The following PTPRK variants were observed in gnomAD, a reference collection of about 807,000 sequenced individuals.
PTPRK encodes protein tyrosine phosphatase receptor type K.
In PTPRK, 75 loss-of-function variants were observed where a neutral mutation model predicts 178.0. The observed-to-expected ratio is 0.42, with a 90% CI of 0.35 to 0.51. The LOEUF (loss-of-function observed/expected upper bound fraction) is 0.51. PTPRK is among the 20% of genes least tolerant of loss of function. PTPRK has a pLI of 0.02. For missense variants in PTPRK, 1,441 were observed against 1,797.8 expected (o/e 0.80, Z 3.59); for synonymous variants, 637 against 620.6 (o/e 1.03, Z -0.39).
chr6:128,506,747 C>T (rs1024769706), intron 1 of PTPRK, among the ~76,000 whole-genome samples: 13 of 149,440 alleles, frequency 8.7e-5, no homozygotes, highest in African/African-American at 3.2e-4. Context: ...TTTTCATAAA[C>T]ACTGGATTAT....
intron 6 of PTPRK, among the ~76,000 whole-genome samples, chr6:128,189,991 C>T (rs1034858856): frequency 6.6e-6 from 1 of 152,112 alleles, no homozygotes; most frequent in African/African-American, 2.4e-5. Context: ...AATTCTTGAG[C>T]ATTTCAAGAA....
intron 2 of PTPRK, among the ~76,000 whole-genome samples, chr6:128,337,837 C>T (rs937573014): frequency 6.6e-6 from 1 of 152,128 alleles, no homozygotes; most frequent in African/African-American, 2.4e-5. Flanking sequence ...AAAGTGATGT[C>T]TGAGCTGTGA....
At chr6:128,429,608 A>G (rs573975289) in intron 1 of PTPRK, among the ~76,000 whole-genome samples, 1 of 152,348 alleles carries the variant, frequency 6.6e-6, no homozygotes, top group East Asian at 1.9e-4. Flanking sequence ...CTTCACCAAC[A>G]TCTAATCTAT....
chr6:128,151,199 G>GT (rs1280702445), intron 7 of PTPRK, among the ~76,000 whole-genome samples: 5 of 151,848 alleles, frequency 3.3e-5, no homozygotes, highest in East Asian at 1.9e-4. Flanking sequence ...GGGAGGAGGA[G>GT]TTTTTTTTAC....
intron 2 of PTPRK, among the ~76,000 whole-genome samples, chr6:128,392,057 T>C (rs1839661747): frequency 7.2e-5 from 11 of 152,002 alleles, no homozygotes; most frequent in Admixed American, 7.2e-4. Context: ...AATTGAAAAA[T>C]GGTCCTGGAA....
intron 1 of PTPRK, among the ~76,000 whole-genome samples, chr6:128,458,683 T>G (rs1405326067): frequency 6.6e-6 from 1 of 152,192 alleles, no homozygotes; most frequent in Non-Finnish European, 1.5e-5. Flanking sequence ...TATATATGAA[T>G]TAAGTCATGA....
rs542211996 is a variant in PTPRK at position 128,453,833 on chromosome 6, A to G, written c.101-56145T>C. ...CTGAAAACTATGATGCATGCAGGGC[A>G]CCAACTTAGTATGCTGAAAACTGAT... On this transcript the variant is annotated intron_variant, in intron 1 of 29. Transcript: ENST00000368226. 3.7e-4 allele frequency among the ~76,000 whole-genome samples: 57 copies of G among 152,280 alleles called. 1 individual carries two copies. The South Asian group carries it at 0.012, about 32-fold the overall frequency.
intron 3 of PTPRK, among the ~76,000 whole-genome samples, chr6:128,295,245 C>T (rs1386021272): frequency 6.6e-6 from 1 of 152,068 alleles, no homozygotes; most frequent in African/African-American, 2.4e-5. Flanking sequence ...CTTCCAACCA[C>T]TTAAAAGTGT....
Position 128,223,545 on chromosome 6 carries a change from T to C in PTPRK, c.694-4449A>G, listed in dbSNP as rs905794032. Among the ~76,000 whole-genome samples, 5 of 152,078 alleles carry C rather than the reference T, an allele frequency of 3.3e-5. No homozygotes were observed. The East Asian group carries it at 7.7e-4, about 23-fold the overall frequency. On this transcript the variant is annotated intron_variant, in intron 5 of 29. Coordinates refer to ENST00000368226, the MANE Select transcript of PTPRK (RefSeq NM_002844.4). Reference sequence around the variant, plus strand: ...ATATAACTATAAATACATATGCTTATATAGGATGTATATTATATAATTAAT... The same window carrying C: ...ATATAACTATAAATACATATGCTTACATAGGATGTATATTATATAATTAAT...
chr6:128,294,518 T>C (rs1451279346), intron 3 of PTPRK, among the ~76,000 whole-genome samples: 2 of 152,092 alleles, frequency 1.3e-5, no homozygotes, highest in African/African-American at 4.8e-5. Context: ...CATTTACAAT[T>C]AGTGAAGTCT....
chr6:128,106,356 T>C (rs1789720337), intron 7 of PTPRK, among the ~76,000 whole-genome samples: 1 of 152,176 alleles, frequency 6.6e-6, no homozygotes, highest in African/African-American at 2.4e-5. Context: ...TGTTTGGCTG[T>C]TTATCCATCT....
At chr6:128,133,628 T>C (rs973383593) in intron 7 of PTPRK, among the ~76,000 whole-genome samples, 1 of 152,220 alleles carries the variant, frequency 6.6e-6, no homozygotes, top group African/African-American at 2.4e-5. Context: ...ATTGGATTTT[T>C]TGTGTGGTAG....
At position 127,970,226 on chromosome 6, in the gene PTPRK, A is replaced by T; in HGVS notation, c.*1T>A. The T allele has an allele frequency of 6.2e-7, 1 of 1,607,270 alleles. No homozygotes were observed. Among genetic ancestry groups the T allele is most frequent in the Non-Finnish European group, 8.5e-7 (1 of 1,175,458 alleles). On this transcript the variant is annotated 3_prime_UTR_variant, in exon 30 of 30. Coordinates refer to ENST00000368226, the MANE Select transcript of PTPRK (RefSeq NM_002844.4). ...GATGCACTTTAAAGAGTCTCACCCA[A>T]CTAAGATGATTCCAGGTACTCCAAA...
In PTPRK at chr6:128,255,135, C is replaced by T. The variant is rs1051502758; in HGVS notation, c.496-12533G>A. Among the ~76,000 whole-genome samples the T allele has an allele frequency of 9.2e-5, 14 of 152,228 alleles. No homozygotes were observed. In the East Asian group the frequency reaches 1.4e-3, roughly 15 times the overall value. ...CCTCCTGAGTAGCTGGGACTACAGGCGCCCGCCACCATGCCCAGCCAATTT... is the reference window on the plus strand; with the variant it reads ...CCTCCTGAGTAGCTGGGACTACAGGTGCCCGCCACCATGCCCAGCCAATTT... On this transcript the variant is annotated intron_variant, in intron 3 of 29. Coordinates refer to ENST00000368226, the MANE Select transcript of PTPRK (RefSeq NM_002844.4).
chr6:128,148,504 TAGA>T (rs1796802509), intron 7 of PTPRK, among the ~76,000 whole-genome samples: 2 of 152,146 alleles, frequency 1.3e-5, no homozygotes, highest in African/African-American at 4.8e-5. Context: ...GGGATTATTG[TAGA>T]AGGTGATCCT....
intron 3 of PTPRK, among the ~76,000 whole-genome samples, chr6:128,271,689 C>T (rs552341125): frequency 2.6e-5 from 4 of 152,146 alleles, no homozygotes; most frequent in South Asian, 2.1e-4. Context: ...GTGTTCTCAA[C>T]TTTGAAGGAG....
At chr6:128,225,486 C>T (rs1050747436) in intron 5 of PTPRK, among the ~76,000 whole-genome samples, 8 of 152,102 alleles carry the variant, frequency 5.3e-5, no homozygotes, top group South Asian at 2.1e-4. Flanking sequence ...CTTACTAGAG[C>T]TTGTCTGCTT....
chr6:128,440,960 T>C (rs1376219062), intron 1 of PTPRK, among the ~76,000 whole-genome samples: 2 of 152,198 alleles, frequency 1.3e-5, no homozygotes, highest in African/African-American at 4.8e-5. Flanking sequence ...CATCTGTATT[T>C]GATGGATGCT....
chr6:128,217,930 G>T (rs568265635), intron 6 of PTPRK, among the ~76,000 whole-genome samples: 1 of 152,138 alleles, frequency 6.6e-6, no homozygotes, highest in Non-Finnish European at 1.5e-5. Flanking sequence ...TTTCATTTGT[G>T]TCAATATTGA....
Sources: gnomAD v4.1 joint callset for allele counts (sites outside exome capture counted in the v4.1 genomes callset) on GRCh38, gnomAD v4.1.1 for gene constraint, MANE v1.5 for transcripts, NCBI Gene and HGNC (gene_info 2026-07-23, HGNC 2026-07-21) for gene names.